The following UBTD2 variants were observed in gnomAD, a reference collection of about 807,000 sequenced individuals.
The protein encoded by UBTD2 is ubiquitin domain-containing protein 2.
Under a neutral mutation model 19.8 loss-of-function variants are expected in UBTD2, and 9 were observed. That is an observed-to-expected ratio of 0.46 (90% CI 0.27 to 0.79). The LOEUF (loss-of-function observed/expected upper bound fraction) is 0.79. UBTD2 is among the 30% of genes least tolerant of loss of function. The pLI, the probability that UBTD2 is intolerant of heterozygous loss-of-function variation, is 0.14. For synonymous variants in UBTD2, 98 were observed against 103.9 expected (o/e 0.94, Z 0.35); for missense variants, 250 against 300.4 (o/e 0.83, Z 1.24).
chr5:172,254,548 A>C (rs1287849692), intron 1 of UBTD2: 8 of 607,858 alleles, frequency 1.3e-5, no homozygotes, highest in Non-Finnish European at 5.9e-6. Flanking sequence ...GTACATTTGT[A>C]GGGTTTTTCT....
intron 1 of UBTD2, among the ~76,000 whole-genome samples, chr5:172,270,864 A>G (rs1755475471): frequency 6.6e-6 from 1 of 152,194 alleles, no homozygotes; most frequent in Non-Finnish European, 1.5e-5. Context: ...TTACATGGGA[A>G]TTAGTCTGTT....
chr5:172,279,965 G>A (rs1305926931), intron 1 of UBTD2, among the ~76,000 whole-genome samples: 1 of 152,136 alleles, frequency 6.6e-6, no homozygotes, highest in African/African-American at 2.4e-5. Context: ...GCCAGGCACG[G>A]TGGCGCACGC....
At chr5:172,231,760 T>G (rs908059845) in intron 2 of UBTD2, among the ~76,000 whole-genome samples, 1 of 152,142 alleles carries the variant, frequency 6.6e-6, no homozygotes, top group South Asian at 2.1e-4. Context: ...TATATTTTCC[T>G]TGAAAAACAG....
chr5:172,253,079 G>A (rs1472761947), intron 1 of UBTD2, among the ~76,000 whole-genome samples: 3 of 152,060 alleles, frequency 2.0e-5, no homozygotes, highest in Non-Finnish European at 4.4e-5. Context: ...ACCCAGGCTG[G>A]AGTGTAGTGG....
chr5:172,233,106 ACT>A (rs1176055719), intron 2 of UBTD2, among the ~76,000 whole-genome samples: 2 of 152,258 alleles, frequency 1.3e-5, no homozygotes, highest in Non-Finnish European at 2.9e-5. Flanking sequence ...ACAGAGCAAG[ACT>A]CTGTCTCAAA....
chr5:172,279,895 A>G (rs941688533), intron 1 of UBTD2, among the ~76,000 whole-genome samples: 8 of 152,216 alleles, frequency 5.3e-5, no homozygotes, highest in African/African-American at 1.9e-4. Context: ...TGAAGTCAGG[A>G]GTTCAAGACC....
In UBTD2 at chr5:172,210,960, A is replaced by G. The variant is rs1051200344; in HGVS notation, c.*870T>C. ...CTTAGCTATGAAAAGTTCCAAGCAG[A>G]ATAGATAGATCAATGAAGGTACTAT... On this transcript the variant is annotated 3_prime_UTR_variant, in exon 3 of 3. Coordinates refer to ENST00000393792, the MANE Select transcript of UBTD2 (RefSeq NM_152277.3). 1 of 152,160 alleles carries G rather than the reference A, an allele frequency of 6.6e-6. No individual in the cohort carries two copies. The highest frequency in any genetic ancestry group is 1.5e-5 in the Non-Finnish European group (1 of 68,040). The allele number at this position is 152,160 out of a possible 1,614,324, so 9.4% of individuals were successfully genotyped here.
At position 172,210,033 on chromosome 5, in the gene UBTD2, T is replaced by A. The variant is rs571478325; in HGVS notation, c.*1797A>T. 1 of 152,146 alleles carries A rather than the reference T, an allele frequency of 6.6e-6. No homozygotes were observed. The highest frequency in any genetic ancestry group is 1.5e-5 in the Non-Finnish European group (1 of 68,024). The allele number at this position is 152,146 out of a possible 1,614,324, so 9.4% of individuals were successfully genotyped here. A position where few individuals can be genotyped will look rare whatever the true frequency, so the allele number is the denominator to read the frequency against. On this transcript the variant is annotated 3_prime_UTR_variant, in exon 3 of 3. Transcript: ENST00000393792. ...ACAAAAACTTTGATGACAGGAGCAA[T>A]ATACTGATTTACCCTAATATCTCCA...
intron 1 of UBTD2, among the ~76,000 whole-genome samples, chr5:172,256,689 G>C (rs1469722776): frequency 6.6e-6 from 1 of 152,098 alleles, no homozygotes; most frequent in Non-Finnish European, 1.5e-5. Flanking sequence ...GGGAGGCCAA[G>C]GCGGGCAGAT....
chr5:172,250,312 T>G (rs11134740), intron 1 of UBTD2, among the ~76,000 whole-genome samples: 45,717 of 152,050 alleles, frequency 0.3, 6,994 homozygotes, highest in South Asian at 0.42. Context: ...TTAGGAAAAA[T>G]AGTTAACTTT....
intron 1 of UBTD2, among the ~76,000 whole-genome samples, chr5:172,277,972 G>A (rs947596418): frequency 5.9e-5 from 9 of 152,054 alleles, no homozygotes; most frequent in South Asian, 2.1e-4. Flanking sequence ...TCAGGAAAAT[G>A]CAAATCAAAC....
intron 2 of UBTD2, among the ~76,000 whole-genome samples, chr5:172,226,019 C>T (rs1018845248): frequency 5.5e-5 from 8 of 144,626 alleles, no homozygotes; most frequent in African/African-American, 2.1e-4. Flanking sequence ...CTCACTGCAA[C>T]CTCTGCCTCC....
chr5:172,253,882 G>T (rs1295258281), intron 1 of UBTD2, among the ~76,000 whole-genome samples: 2 of 152,004 alleles, frequency 1.3e-5, no homozygotes, highest in Non-Finnish European at 2.9e-5. Flanking sequence ...TACATCAAAT[G>T]TTATCTATAA....
intron 1 of UBTD2, among the ~76,000 whole-genome samples, chr5:172,280,194 T>C (rs1435219040): frequency 6.7e-6 from 1 of 148,522 alleles, no homozygotes; most frequent in African/African-American, 2.5e-5. Flanking sequence ...GACATACCTG[T>C]CTTGATTAAA....
intron 1 of UBTD2, among the ~76,000 whole-genome samples, chr5:172,267,420 T>C (rs1247382119): frequency 6.6e-6 from 1 of 152,214 alleles, no homozygotes; most frequent in African/African-American, 2.4e-5. Flanking sequence ...CAGGCATGTA[T>C]ACATCCAGTC....
chr5:172,216,544 T>C (rs539535061), intron 2 of UBTD2, among the ~76,000 whole-genome samples: 24 of 123,624 alleles, frequency 1.9e-4, no homozygotes, highest in African/African-American at 7.8e-4. Flanking sequence ...CTTGAGCCCA[T>C]GAGTTTGAGG....
chr5:172,277,307 T>C lies in UBTD2; in HGVS notation c.70+6289A>G, dbSNP rs78584809. 5.1e-3 allele frequency among the ~76,000 whole-genome samples: 773 copies of C among 152,270 alleles called. 5 individuals are homozygous for C. Among genetic ancestry groups the C allele is most frequent in the African/African-American group, 0.017 (721 of 41,562 alleles). ...TGTGAGATTTGCAAATTATTGGCTA[T>C]AGATCTATTCTGTATACATCAGTGA... On this transcript the variant is annotated intron_variant, in intron 1 of 2. Coordinates refer to ENST00000393792, the MANE Select transcript of UBTD2 (RefSeq NM_152277.3).
rs139449435 is a variant in UBTD2 at position 172,236,128 on chromosome 5, C to A, written c.71-1770G>T. Among the ~76,000 whole-genome samples, 801 of 152,326 alleles carry A rather than the reference C, an allele frequency of 5.3e-3. 8 individuals are homozygous for A. Among genetic ancestry groups the A allele is most frequent in the African/African-American group, 0.018 (749 of 41,580 alleles). On this transcript the variant is annotated intron_variant, in intron 1 of 2. Coordinates refer to ENST00000393792, the MANE Select transcript of UBTD2 (RefSeq NM_152277.3). ...AGGCTATATTCTCAATAAAGACTGC[C>A]AGGTCAGGTCTCTTCTGTCCTCTCC...
chr5:172,215,852 T>C (rs1771530978), intron 2 of UBTD2, among the ~76,000 whole-genome samples: 1 of 152,190 alleles, frequency 6.6e-6, no homozygotes, highest in South Asian at 2.1e-4. Context: ...AAGGAATATC[T>C]GAGTTTGATG....
Sources: allele counts gnomAD v4.1 joint callset (sites outside exome capture counted in the v4.1 genomes callset), GRCh38; gene constraint gnomAD v4.1.1; transcripts MANE v1.5; gene names NCBI Gene and HGNC (gene_info 2026-07-23, HGNC 2026-07-21).